The following CDH8 variants were observed in gnomAD, a reference collection of about 807,000 sequenced individuals.
CDH8 encodes the protein cadherin-8.
CDH8 carries 17 observed loss-of-function variants against 68.1 expected under a neutral mutation model. The ratio of observed to expected loss-of-function variants is 0.25; its 90% CI spans 0.17 to 0.37. The LOEUF (loss-of-function observed/expected upper bound fraction) is 0.37, where lower values mean the gene tolerates loss of function less well. Among genes scored for constraint, CDH8 ranks in the 10% least tolerant of loss-of-function variants. The pLI is 1.00. For synonymous variants in CDH8, 372 were observed against 365.1 expected, an observed-to-expected ratio of 1.02 and a Z score of -0.21; for missense variants, 763 against 999.3, an observed-to-expected ratio of 0.76 and a Z score of 3.19.
intron 10 of CDH8, among the ~76,000 whole-genome samples, chr16:61,712,174 T>C (rs1271099879): frequency 5.3e-5 from 8 of 151,744 alleles, no homozygotes. Flanking sequence ...TACCTTCTAC[T>C]AATTCCAAAA....
intron 8 of CDH8, among the ~76,000 whole-genome samples, chr16:61,766,336 G>T (rs1269896828): frequency 6.6e-6 from 1 of 151,926 alleles, no homozygotes; most frequent in Non-Finnish European, 1.5e-5. Context: ...TTATGGCTGA[G>T]TAGTATTCCA....
intron 10 of CDH8, among the ~76,000 whole-genome samples, chr16:61,682,101 G>T (rs1459144263): frequency 6.6e-6 from 1 of 151,756 alleles, no homozygotes; most frequent in East Asian, 1.9e-4. Flanking sequence ...AACAAAAAAA[G>T]ATAATATTCA....
intron 2 of CDH8, among the ~76,000 whole-genome samples, chr16:61,951,634 C>CT (rs1279907329): frequency 2.0e-5 from 3 of 151,834 alleles, no homozygotes; most frequent in Non-Finnish European, 2.9e-5. Flanking sequence ...ACTGGGATTC[C>CT]TTTTTTTACA....
rs1714894415 is a variant in CDH8 at position 61,932,034 on chromosome 16, T to C, written c.253-30561A>G. On this transcript the variant is annotated intron_variant, in intron 2 of 11. Transcript: ENST00000577390. ...CATCCTGGCTAACACGGTGAAACCC[T>C]GTCTGTACTAAAAATACAAAAAATT... Among the ~76,000 whole-genome samples, 3 of 151,908 alleles carry C rather than the reference T, an allele frequency of 2.0e-5. No individual in the cohort carries two copies. In the South Asian group the frequency reaches 6.2e-4, roughly 32 times the overall value.
intron 3 of CDH8, 36 bp downstream of exon 3, chr16:61,901,143 C>G: frequency 6.4e-7 from 1 of 1,573,460 alleles, no homozygotes; most frequent in South Asian, 1.1e-5. Context: ...CTAAAGATGA[C>G]TTTTAATAGA....
At chr16:61,859,595 A>C (rs1963114239) in intron 3 of CDH8, among the ~76,000 whole-genome samples, 1 of 152,184 alleles carries the variant, frequency 6.6e-6, no homozygotes, top group South Asian at 2.1e-4. Flanking sequence ...ACTTGTTATG[A>C]GGTTACAACA....
At chr16:61,860,932 C>G (rs1417475106) in intron 3 of CDH8, among the ~76,000 whole-genome samples, 1 of 152,150 alleles carries the variant, frequency 6.6e-6, no homozygotes, top group Admixed American at 6.6e-5. Flanking sequence ...ATAGTTCTGA[C>G]GTCTTCTGAA....
In CDH8 at chr16:61,960,113, A is replaced by G. The variant is rs1334521887; in HGVS notation, c.253-58640T>C. On this transcript the variant is annotated intron_variant, in intron 2 of 11. Transcript: ENST00000577390. ...TGTGTGTGTGTATACACATACATAT[A>G]TACATATGTGTGTGTGTATACACAT... Among the ~76,000 whole-genome samples, 2 of 134,424 alleles carry G rather than the reference A, an allele frequency of 1.5e-5. 1 individual carries two copies. The allele number at this position is 134,424 out of a possible 152,430, so 88.2% of individuals were successfully genotyped here.
chr16:61,698,146 C>T (rs1311284086), intron 10 of CDH8, among the ~76,000 whole-genome samples: 1 of 152,212 alleles, frequency 6.6e-6, no homozygotes, highest in Non-Finnish European at 1.5e-5. Context: ...ATTTAACAGT[C>T]TCTCACATTC....
At chr16:61,897,544 A>G (rs1963889550) in intron 3 of CDH8, among the ~76,000 whole-genome samples, 2 of 152,368 alleles carry the variant, frequency 1.3e-5, no homozygotes, top group Middle Eastern at 3.4e-3. Flanking sequence ...CTTTCTTAAC[A>G]TATTTATAAG....
chr16:61,994,272 T>G (rs530732246), intron 2 of CDH8, among the ~76,000 whole-genome samples: 23 of 152,346 alleles, frequency 1.5e-4, no homozygotes, highest in Admixed American at 5.2e-4. Context: ...TTTTAAATTT[T>G]GCTTCTAAAA....
intron 10 of CDH8, among the ~76,000 whole-genome samples, chr16:61,676,945 G>C (rs1394373384): frequency 2.0e-5 from 3 of 151,978 alleles, no homozygotes; most frequent in African/African-American, 7.2e-5. Context: ...TGTTAATAGT[G>C]ACGTAAGTGT....
At chr16:61,861,375 G>C (rs891331087) in intron 3 of CDH8, among the ~76,000 whole-genome samples, 14 of 152,116 alleles carry the variant, frequency 9.2e-5, no homozygotes, top group African/African-American at 3.1e-4. Context: ...CCATAGTCAT[G>C]CAAACTGTTT....
At chr16:61,895,637 C>T (rs780374145) in intron 3 of CDH8, among the ~76,000 whole-genome samples, 1 of 152,112 alleles carries the variant, frequency 6.6e-6, no homozygotes, top group Non-Finnish European at 1.5e-5. Context: ...CTTTCTCATC[C>T]CTTTATTTCA....
intron 2 of CDH8, among the ~76,000 whole-genome samples, chr16:61,964,597 T>C (rs1965215448): frequency 2.0e-5 from 3 of 152,036 alleles, no homozygotes; most frequent in African/African-American, 7.2e-5. Context: ...GGACCTGCTG[T>C]ACTTGGCTGA....
chr16:61,656,509 C>T (rs1963451138), intron 10 of CDH8, among the ~76,000 whole-genome samples: 1 of 152,140 alleles, frequency 6.6e-6, no homozygotes, highest in African/African-American at 2.4e-5. Flanking sequence ...TTGATTCCCA[C>T]AAGTACCTAA....
At chr16:61,743,426 C>A (rs73573299) in intron 8 of CDH8, 24,007 of 155,856 alleles carry the variant, frequency 0.15, 3,047 homozygotes, top group African/African-American at 0.35. Flanking sequence ...CCAAATCAAC[C>A]CTGGCAATCA....
chr16:61,900,860 G>A (rs1350288744), intron 3 of CDH8, among the ~76,000 whole-genome samples: 3 of 152,170 alleles, frequency 2.0e-5, no homozygotes, highest in Non-Finnish European at 4.4e-5. Flanking sequence ...AGCTTGGCAT[G>A]TTAGAACAAA....
intron 9 of CDH8, among the ~76,000 whole-genome samples, chr16:61,714,685 G>C (rs1964690992): frequency 6.6e-6 from 1 of 151,558 alleles, no homozygotes; most frequent in Non-Finnish European, 1.5e-5. Context: ...TGTTTCTTGG[G>C]ATGTCAGATA....
Sources: allele counts gnomAD v4.1 joint callset (sites outside exome capture counted in the v4.1 genomes callset), GRCh38; gene constraint gnomAD v4.1.1; transcripts MANE v1.5; gene names NCBI Gene and HGNC (gene_info 2026-07-23, HGNC 2026-07-21).